The following CSRNP3 variants were observed in gnomAD, a reference collection of about 807,000 sequenced individuals.
CSRNP3 encodes the protein cysteine and serine rich nuclear protein 3.
Under a neutral mutation model 48.0 loss-of-function variants are expected in CSRNP3, and 12 were observed. That is an observed-to-expected ratio of 0.25 (90% confidence interval 0.16 to 0.41). The LOEUF (loss-of-function observed/expected upper bound fraction) is 0.41, where lower values mean the gene tolerates loss of function less well. CSRNP3 is among the 10% of genes least tolerant of loss of function. The pLI, the probability that CSRNP3 is intolerant of heterozygous loss-of-function variation, is 1.00. For synonymous variants in CSRNP3, 263 were observed against 269.7 expected (o/e 0.98, Z 0.24); for missense variants, 580 against 724.4 (o/e 0.80, Z 2.29).
chr2:165,514,520 G>GTGC (rs1684549675), intron 2 of CSRNP3, among the ~76,000 whole-genome samples: 1 of 152,204 alleles, frequency 6.6e-6, no homozygotes, highest in Non-Finnish European at 1.5e-5. Flanking sequence ...TCTCACATGT[G>GTGC]TGCACACATA....
chr2:165,581,162 C>T (rs543716670), intron 3 of CSRNP3, among the ~76,000 whole-genome samples: 1 of 152,254 alleles, frequency 6.6e-6, no homozygotes. Context: ...TCCACTATAC[C>T]ATTTTGCCAA....
chr2:165,547,808 T>C (rs1422319449), intron 3 of CSRNP3, among the ~76,000 whole-genome samples: 1 of 152,046 alleles, frequency 6.6e-6, no homozygotes, highest in Non-Finnish European at 1.5e-5. Flanking sequence ...TTGCAGATAA[T>C]TATAAATAAA....
chr2:165,637,148 T>A (rs745514613), intron 4 of CSRNP3, among the ~76,000 whole-genome samples: 1 of 152,202 alleles, frequency 6.6e-6, no homozygotes, highest in Non-Finnish European at 1.5e-5. Context: ...TCAACAAGGC[T>A]ATAGCCAGAA....
At chr2:165,587,787 T>C (rs959951983) in intron 3 of CSRNP3, among the ~76,000 whole-genome samples, 1 of 152,240 alleles carries the variant, frequency 6.6e-6, no homozygotes, top group Non-Finnish European at 1.5e-5. Flanking sequence ...TATGATGCTT[T>C]GGGCTCAGTT....
intron 3 of CSRNP3, among the ~76,000 whole-genome samples, chr2:165,551,806 A>G (rs927597602): frequency 7.2e-5 from 11 of 152,116 alleles, no homozygotes; most frequent in Non-Finnish European, 1.3e-4. Context: ...AAATCTCAGA[A>G]CTCCAAACAC....
chr2:165,537,109 T>C (rs372760383), intron 3 of CSRNP3, among the ~76,000 whole-genome samples: 16 of 151,862 alleles, frequency 1.1e-4, no homozygotes, highest in Admixed American at 9.2e-4. Flanking sequence ...TGCATCATTC[T>C]ATTGTCTCTG....
At chr2:165,667,145 A>AGG (rs1558968502) in intron 5 of CSRNP3, among the ~76,000 whole-genome samples, 11 of 148,360 alleles carry the variant, frequency 7.4e-5, no homozygotes, top group South Asian at 4.3e-4. Flanking sequence ...GAGAGAGAGA[A>AGG]AAGGAAGGAA....
At chr2:165,561,898 T>A (rs1453192627) in intron 3 of CSRNP3, among the ~76,000 whole-genome samples, 2 of 152,148 alleles carry the variant, frequency 1.3e-5, no homozygotes, top group Non-Finnish European at 2.9e-5. Flanking sequence ...TTATGTTAAA[T>A]ACTAATAAAG....
intron 1 of CSRNP3, among the ~76,000 whole-genome samples, chr2:165,480,694 A>G (rs1684028568): frequency 6.6e-6 from 1 of 150,934 alleles, no homozygotes; most frequent in African/African-American, 2.4e-5. Flanking sequence ...AAGACTCAAT[A>G]TTTCCACTTC....
At chr2:165,541,573 C>G (rs1684957878) in intron 3 of CSRNP3, among the ~76,000 whole-genome samples, 1 of 152,118 alleles carries the variant, frequency 6.6e-6, no homozygotes, top group South Asian at 2.1e-4. Context: ...CCCTGAGGGA[C>G]AGCCAACCCA....
At chr2:165,584,975 A>G (rs1685604365) in intron 3 of CSRNP3, among the ~76,000 whole-genome samples, 1 of 152,212 alleles carries the variant, frequency 6.6e-6, no homozygotes, top group African/African-American at 2.4e-5. Flanking sequence ...GTCCTGGGCC[A>G]CATTACAGCC....
intron 3 of CSRNP3, among the ~76,000 whole-genome samples, chr2:165,535,032 G>A (rs1007469544): frequency 1.3e-5 from 2 of 151,696 alleles, no homozygotes; most frequent in African/African-American, 4.8e-5. Flanking sequence ...CTTGAGACTT[G>A]GCTTGGCTAT....
intron 2 of CSRNP3, among the ~76,000 whole-genome samples, chr2:165,503,980 T>C (rs946205105): frequency 4.6e-5 from 7 of 151,986 alleles, no homozygotes; most frequent in South Asian, 4.1e-4. Flanking sequence ...TAATAGTACA[T>C]AGCAAGGTAA....
chr2:165,598,374 C>T (rs998837606), intron 4 of CSRNP3, among the ~76,000 whole-genome samples: 2 of 151,842 alleles, frequency 1.3e-5, no homozygotes, highest in Non-Finnish European at 2.9e-5. Context: ...GGTAAGTTGT[C>T]CTAAAAATTG....
chr2:165,549,202 T>G (rs1296438679), intron 3 of CSRNP3, among the ~76,000 whole-genome samples: 1 of 152,072 alleles, frequency 6.6e-6, no homozygotes, highest in Non-Finnish European at 1.5e-5. Flanking sequence ...TAATCTGTGA[T>G]AATAGAGACG....
rs1174375375 is a variant in CSRNP3, at chr2:165,629,574, A to G, written c.149-28187A>G. On this transcript the variant is annotated intron_variant, in intron 4 of 6. Coordinates refer to ENST00000651982, the MANE Select transcript of CSRNP3 (RefSeq NM_001172173.2). ...GCAGCTGAGGCATCACAGGTATGCG[A>G]CTTGTCCCAGGTCATTTGGTTACTT... Among the ~76,000 whole-genome samples the G allele has an allele frequency of 2.0e-5, 3 of 152,180 alleles. No homozygotes were observed. The East Asian group carries it at 5.8e-4, about 29-fold the overall frequency.
intron 4 of CSRNP3, among the ~76,000 whole-genome samples, chr2:165,656,607 A>G (rs945739229): frequency 2.0e-5 from 3 of 152,208 alleles, no homozygotes; most frequent in African/African-American, 4.8e-5. Flanking sequence ...ATTTGTCCCA[A>G]TGTATACTTG....
At chr2:165,577,353 A>T (rs922399764) in intron 3 of CSRNP3, among the ~76,000 whole-genome samples, 4 of 151,908 alleles carry the variant, frequency 2.6e-5, no homozygotes, top group Admixed American at 1.3e-4. Context: ...TTGTAAAATG[A>T]TTTTAAAGAT....
intron 2 of CSRNP3, among the ~76,000 whole-genome samples, chr2:165,511,759 A>T (rs1684509228): frequency 6.6e-6 from 1 of 152,184 alleles, no homozygotes; most frequent in African/African-American, 2.4e-5. Context: ...AGAAAGTGTG[A>T]TAAGATTGCC....
Sources: gnomAD v4.1 joint callset for allele counts (sites outside exome capture counted in the v4.1 genomes callset) on GRCh38, gnomAD v4.1.1 for gene constraint, MANE v1.5 for transcripts, NCBI Gene and HGNC (gene_info 2026-07-23, HGNC 2026-07-21) for gene names.